The following C1orf185 variants were observed in gnomAD, a reference collection of about 807,000 sequenced individuals.
C1orf185 encodes the protein chromosome 1 open reading frame 185, also known as uncharacterized protein C1orf185.
A neutral mutation model predicts 16.1 loss-of-function variants in C1orf185; 13 were observed. That is an observed-to-expected ratio of 0.81 (90% CI 0.53 to 1.28). C1orf185 has a LOEUF of 1.28. C1orf185 is among the 50% of genes most tolerant of loss of function. The probability of loss-of-function intolerance (pLI) is 0.00; values close to 1 mark genes in which losing one functional copy is unlikely to be tolerated. For missense variants in C1orf185, 220 were observed against 225.2 expected (o/e 0.98, Z 0.15); for synonymous variants, 80 against 76.9 (o/e 1.04, Z -0.21).
At chr1:51,115,050 A>G (rs923300732) in intron 2 of C1orf185, among the ~76,000 whole-genome samples, 3 of 152,066 alleles carry the variant, frequency 2.0e-5, no homozygotes, top group South Asian at 2.1e-4. Flanking sequence ...TTCACTCAAC[A>G]TAATATTTTT....
At chr1:51,116,565 C>T (rs894535867) in intron 2 of C1orf185, among the ~76,000 whole-genome samples, 2 of 152,072 alleles carry the variant, frequency 1.3e-5, no homozygotes, top group Admixed American at 1.3e-4. Context: ...CCGCCCTCCT[C>T]GGCCTCCCAA....
chr1:51,137,902 G>A (rs1160559146), intron 3 of C1orf185, among the ~76,000 whole-genome samples: 4 of 152,188 alleles, frequency 2.6e-5, no homozygotes, highest in African/African-American at 9.7e-5. Context: ...CCCATTGCAG[G>A]AACGTGGATG....
intron 3 of C1orf185, among the ~76,000 whole-genome samples, chr1:51,120,375 T>C (rs182375621): frequency 2.8e-4 from 43 of 150,964 alleles, no homozygotes; most frequent in Non-Finnish European, 5.3e-4. Context: ...TTACTTAACT[T>C]CTCTGTGTCT....
chr1:51,132,990 C>T (rs183563771), intron 3 of C1orf185, among the ~76,000 whole-genome samples: 1 of 152,260 alleles, frequency 6.6e-6, no homozygotes, highest in Admixed American at 6.5e-5. Flanking sequence ...GAAATAAGAT[C>T]CTTTTCAGAC....
chr1:51,136,125 G>C (rs1364986816), intron 3 of C1orf185, among the ~76,000 whole-genome samples: 1 of 152,040 alleles, frequency 6.6e-6, no homozygotes, highest in Non-Finnish European at 1.5e-5. Context: ...TCTATAAGAA[G>C]AACTACAAAA....
At chr1:51,122,128 A>G (rs1208944139) in intron 3 of C1orf185, among the ~76,000 whole-genome samples, 3 of 152,120 alleles carry the variant, frequency 2.0e-5, no homozygotes, top group Non-Finnish European at 2.9e-5. Context: ...GTTATCTGGT[A>G]TTCCATTGTG....
intron 3 of C1orf185, among the ~76,000 whole-genome samples, chr1:51,130,845 T>A (rs1646277948): frequency 6.6e-6 from 1 of 152,212 alleles, no homozygotes; most frequent in South Asian, 2.1e-4. Context: ...TTCAAGATTA[T>A]TTTGACTATC....
At chr1:51,125,204 A>G (rs1446252596) in intron 3 of C1orf185, among the ~76,000 whole-genome samples, 4 of 152,226 alleles carry the variant, frequency 2.6e-5, no homozygotes, top group African/African-American at 9.6e-5. Flanking sequence ...AAGGAATTAG[A>G]AGGAAGAGAA....
intron 3 of C1orf185, among the ~76,000 whole-genome samples, chr1:51,131,363 A>T (rs148921600): frequency 2.6e-5 from 4 of 152,376 alleles, no homozygotes; most frequent in African/African-American, 9.6e-5. Flanking sequence ...TGTCTATGGC[A>T]GTTCCTCTTC....
At chr1:51,124,091 T>G (rs1390777700) in intron 3 of C1orf185, among the ~76,000 whole-genome samples, 4 of 148,496 alleles carry the variant, frequency 2.7e-5, no homozygotes, top group Admixed American at 6.7e-5. Flanking sequence ...GTTTTTTTTT[T>G]TTTTTTTTTT....
chr1:51,121,427 G>T (rs1466240401), intron 3 of C1orf185, among the ~76,000 whole-genome samples: 1 of 152,014 alleles, frequency 6.6e-6, no homozygotes, highest in African/African-American at 2.4e-5. Flanking sequence ...GTTCACCCTG[G>T]TTGTCACAAA....
intron 1 of C1orf185, among the ~76,000 whole-genome samples, chr1:51,111,782 A>C (rs895169600): frequency 1.3e-5 from 2 of 152,126 alleles, no homozygotes; most frequent in African/African-American, 4.8e-5. Context: ...AGCCTCCCAA[A>C]GTGCTGGGAT....
intron 2 of C1orf185, among the ~76,000 whole-genome samples, chr1:51,113,364 T>G (rs72892455): frequency 0.013 from 1,917 of 151,736 alleles, 40 homozygotes; most frequent in East Asian, 0.097. Context: ...TTTCTAATTA[T>G]TAATTATTAA....
At chr1:51,116,946 C>A (rs1646162318) in intron 2 of C1orf185, among the ~76,000 whole-genome samples, 1 of 152,154 alleles carries the variant, frequency 6.6e-6, no homozygotes, top group African/African-American at 2.4e-5. Flanking sequence ...CCTCTCTAAC[C>A]AGGTTAATTC....
chr1:51,118,657 AT>A lies in C1orf185; in HGVS notation c.123-4del. On this transcript the variant is annotated splice_polypyrimidine_tract_variant and splice_region_variant and intron_variant, in intron 2 of 4. Transcript: ENST00000371759. ...GGTTTAATAATATTCTTTATAAAAT[AT>A]TTTTCAGAGAAATATTTCAAAATTC... 1 of 1,337,938 alleles carries A rather than the reference AT, an allele frequency of 7.5e-7. No homozygotes were observed. The allele number at this position is 1,337,938 out of a possible 1,614,324, so 82.9% of individuals were successfully genotyped here. A position where few individuals can be genotyped will look rare whatever the true frequency, so the allele number is the denominator to read the frequency against.
At chr1:51,128,432 C>G (rs1646258356) in intron 3 of C1orf185, among the ~76,000 whole-genome samples, 1 of 133,940 alleles carries the variant, frequency 7.5e-6, no homozygotes, top group Non-Finnish European at 1.6e-5. Context: ...TGGCTCACTC[C>G]TGTAATCCCC....
At chr1:51,136,644 G>A (rs1182104288) in intron 3 of C1orf185, among the ~76,000 whole-genome samples, 1 of 152,248 alleles carries the variant, frequency 6.6e-6, no homozygotes, top group South Asian at 2.1e-4. Context: ...ACAAAAACAA[G>A]CAATGGGGGA....
At position 51,110,737 on chromosome 1, in the gene C1orf185, G is replaced by C. The variant is rs1238142635; in HGVS notation, c.17-1727G>C. 2.0e-5 allele frequency among the ~76,000 whole-genome samples: 3 copies of C among 152,176 alleles called. No individual in the cohort carries two copies. In the East Asian group the frequency reaches 5.8e-4, roughly 29 times the overall value. The stretch of plus-strand genomic sequence containing the variant: ...TAATCCCAGCACTGCGGGAGGCTGA[G>C]GTGGGTGAATCACTTGAGGTCAGGA... On this transcript the variant is annotated intron_variant, in intron 1 of 4. Coordinates refer to ENST00000371759, the MANE Select transcript of C1orf185 (RefSeq NM_001136508.2).
At chr1:51,114,439 T>A (rs903696731) in intron 2 of C1orf185, among the ~76,000 whole-genome samples, 1 of 152,188 alleles carries the variant, frequency 6.6e-6, no homozygotes, top group Non-Finnish European at 1.5e-5. Context: ...AAGACTATCC[T>A]AGGCCTGGTG....
Sources: gnomAD v4.1 joint callset for allele counts (sites outside exome capture counted in the v4.1 genomes callset) on GRCh38, gnomAD v4.1.1 for gene constraint, MANE v1.5 for transcripts, NCBI Gene and HGNC (gene_info 2026-07-23, HGNC 2026-07-21) for gene names.